ITPR1: variants seen among roughly 807,000 people sequenced by gnomAD.
ITPR1 encodes the protein inositol 1,4,5-trisphosphate receptor type 1.
A neutral mutation model predicts 318.4 loss-of-function variants in ITPR1; 96 were observed. That is an observed-to-expected ratio of 0.30 (90% CI 0.26 to 0.36). The LOEUF (loss-of-function observed/expected upper bound fraction) is 0.36. ITPR1 is among the 10% of genes least tolerant of loss of function. ITPR1 has a pLI of 1.00. For missense variants in ITPR1, 2,440 were observed against 3,460.2 expected (o/e 0.71, Z 7.40); for synonymous variants, 1,312 against 1,289.9 (o/e 1.02, Z -0.37).
In ITPR1 at chr3:4,781,023, C is replaced by T. The variant is rs574831646; in HGVS notation, c.6387+1378C>T. 3.3e-4 allele frequency among the ~76,000 whole-genome samples: 50 copies of T among 152,336 alleles called. No individual in the cohort carries two copies. In the South Asian group the frequency reaches 9.7e-3, roughly 30 times the overall value. On this transcript the variant is annotated intron_variant, in intron 49 of 61. Coordinates refer to ENST00000649015, the MANE Select transcript of ITPR1 (RefSeq NM_001378452.1). ...CTGTTCTAAGAATCCAAATAGAACA[C>T]GTGTGTACATGCATGTGTGCGTACA...
At chr3:4,507,611 A>C (rs1174816906) in intron 2 of ITPR1, among the ~76,000 whole-genome samples, 1 of 152,218 alleles carries the variant, frequency 6.6e-6, no homozygotes. Flanking sequence ...CTTATGAGCA[A>C]GATTATACCA....
At chr3:4,532,551 TGTA>T (rs1479868739) in intron 4 of ITPR1, among the ~76,000 whole-genome samples, 3 of 152,008 alleles carry the variant, frequency 2.0e-5, no homozygotes, top group Non-Finnish European at 4.4e-5. Flanking sequence ...TTGTATTTTT[TGTA>T]GAGACGGGGT....
At chr3:4,807,347 C>A (rs1485439389) in intron 55 of ITPR1, among the ~76,000 whole-genome samples, 2 of 152,196 alleles carry the variant, frequency 1.3e-5, no homozygotes, top group African/African-American at 2.4e-5. Context: ...TTACTCTTAT[C>A]TTTCTGCAAT....
chr3:4,619,445 C>A (rs750667999), intron 4 of ITPR1, among the ~76,000 whole-genome samples: 1 of 151,660 alleles, frequency 6.6e-6, no homozygotes, highest in Admixed American at 6.6e-5. Flanking sequence ...TCCTTCCTTT[C>A]CTTTCCTCCT....
chr3:4,768,918 C>CT (rs1325689504), intron 46 of ITPR1, among the ~76,000 whole-genome samples, 154 bp downstream of exon 46: 24 of 131,890 alleles, frequency 1.8e-4, no homozygotes, highest in Middle Eastern at 3.5e-3. Context: ...TTTCTTTTTT[C>CT]TTTTTTTTTG....
chr3:4,726,070 C>A (rs958735495), intron 41 of ITPR1, among the ~76,000 whole-genome samples: 1 of 152,204 alleles, frequency 6.6e-6, no homozygotes, highest in Admixed American at 6.5e-5. Flanking sequence ...CTTGTTGTCA[C>A]CCAGGCTGGA....
At chr3:4,665,751 G>A (rs1387795525) in intron 17 of ITPR1, among the ~76,000 whole-genome samples, 1 of 151,962 alleles carries the variant, frequency 6.6e-6, no homozygotes, top group Admixed American at 6.5e-5. Context: ...CTTATACATA[G>A]TTATATTTTA....
At chr3:4,663,526 G>C (rs1387841461) in intron 16 of ITPR1, among the ~76,000 whole-genome samples, 1 of 152,194 alleles carries the variant, frequency 6.6e-6, no homozygotes, top group African/African-American at 2.4e-5. Context: ...TTCTCAGCAA[G>C]ATTGTGCAAA....
At chr3:4,614,718 T>C (rs2092317010) in intron 4 of ITPR1, among the ~76,000 whole-genome samples, 1 of 152,182 alleles carries the variant, frequency 6.6e-6, no homozygotes. Context: ...TTCTGGGTGA[T>C]GATCTCTTTT....
intron 53 of ITPR1, among the ~76,000 whole-genome samples, chr3:4,796,345 TG>T (rs1341143439): frequency 4.6e-5 from 7 of 152,046 alleles, no homozygotes; most frequent in African/African-American, 1.7e-4. Context: ...CCCGTGTCTA[TG>T]TCTAAAAAGA....
At chr3:4,549,563 C>T (rs6764083) in intron 4 of ITPR1, among the ~76,000 whole-genome samples, 116,945 of 150,640 alleles carry the variant, frequency 0.78, 45,286 homozygotes, top group Admixed American at 0.79. Context: ...CTTTTCTCTT[C>T]TTTTTGAAAC....
chr3:4,651,585 T>C lies in ITPR1; in HGVS notation c.856-538T>C, dbSNP rs1180350111. Among the ~76,000 whole-genome samples the C allele has an allele frequency of 3.3e-5, 5 of 152,368 alleles. No individual in the cohort carries two copies. The South Asian group carries it at 6.2e-4, about 19-fold the overall frequency. ...TTTTATCCAGTTTTCTAGTTGTCTA[T>C]GGCAATTTCATCTATTCTCTGCAGT... On this transcript the variant is annotated intron_variant, in intron 10 of 61. Transcript: ENST00000649015.
intron 18 of ITPR1, 45 bp from the exon 19 acceptor site, chr3:4,669,609 C>T (rs1320207394): frequency 4.8e-5 from 75 of 1,561,250 alleles, no homozygotes; most frequent in Non-Finnish European, 6.4e-5. Context: ...GGAGCCTAAC[C>T]TCTGCTCTAT....
intron 44 of ITPR1, chr3:4,750,894 G>C (rs915477203): frequency 2.0e-5 from 3 of 152,546 alleles, no homozygotes; most frequent in African/African-American, 7.2e-5. Context: ...TGTTTTCTAA[G>C]GTGTGTTTTT....
At chr3:4,608,409 G>C (rs946451788) in intron 4 of ITPR1, among the ~76,000 whole-genome samples, 2 of 151,988 alleles carry the variant, frequency 1.3e-5, no homozygotes, top group Non-Finnish European at 2.9e-5. Context: ...GATTCAGAAG[G>C]GTCTAGAATG....
intron 2 of ITPR1, among the ~76,000 whole-genome samples, chr3:4,502,894 C>T (rs1177490677): frequency 2.0e-5 from 3 of 151,808 alleles, no homozygotes; most frequent in Non-Finnish European, 4.4e-5. Flanking sequence ...CCAGCCTGGC[C>T]AACATGGTGA....
intron 42 of ITPR1, among the ~76,000 whole-genome samples, chr3:4,730,621 T>G (rs2042861979): frequency 6.6e-6 from 1 of 152,060 alleles, no homozygotes; most frequent in South Asian, 2.1e-4. Context: ...ACGTGCTCCT[T>G]TCATTACCTC....
At chr3:4,735,461 C>T in intron 44 of ITPR1, 107 bp downstream of exon 44, 1 of 913,774 alleles carries the variant, frequency 1.1e-6, no homozygotes, top group Admixed American at 2.1e-5. Context: ...TGAGAGACAG[C>T]TCATTCTGAG....
chr3:4,675,378 A>G lies in ITPR1; in HGVS notation c.2779+130A>G, dbSNP rs1049279289. ...TCCTTCCCAACTTTTCATCGTGAAC[A>G]TTTTCAAATACTGTGTAAAGAAAAG... On this transcript the variant is annotated intron_variant, in intron 23 of 61. Transcript: ENST00000649015. 2.3e-5 allele frequency: 15 copies of G among 648,342 alleles called. No individual in the cohort carries two copies. In the South Asian group the frequency reaches 3.0e-4, roughly 13 times the overall value. 40.2% of individuals were successfully genotyped at this position (648,342 alleles called of 1,614,324 possible). A position where few individuals can be genotyped will look rare whatever the true frequency, so the allele number is the denominator to read the frequency against.
Sources: gnomAD v4.1 joint callset for allele counts (sites outside exome capture counted in the v4.1 genomes callset) on GRCh38, gnomAD v4.1.1 for gene constraint, MANE v1.5 for transcripts, NCBI Gene and HGNC (gene_info 2026-07-23, HGNC 2026-07-21) for gene names.